PKD1L3: variants seen among roughly 807,000 people sequenced by gnomAD.
The protein encoded by PKD1L3 is polycystin-1-like protein 3.
PKD1L3 carries 239 observed loss-of-function variants against 184.1 expected under a neutral mutation model. That is an observed-to-expected ratio of 1.30 (90% CI 1.17 to 1.45). PKD1L3 has a LOEUF of 1.45. PKD1L3 is among the 40% of genes most tolerant of loss of function. PKD1L3 has a pLI of 0.00. For missense variants in PKD1L3, 2,660 were observed against 2,067.2 expected (o/e 1.29, Z -5.56); for synonymous variants, 996 against 778.8 (o/e 1.28, Z -4.64).
Position 71,967,176 on chromosome 16 carries a change from A to G in PKD1L3, c.2426T>C (p.Leu809Pro). The G allele has an allele frequency of 6.4e-7, 1 of 1,551,720 alleles. No individual in the cohort carries two copies. Among genetic ancestry groups the G allele is most frequent in the Non-Finnish European group, 8.7e-7 (1 of 1,146,964 alleles). Residue 809 changes from leucine (L) to proline (P), a missense_variant, in exon 15 of 30, where the codon CTT becomes CCT. Leu to Pro is a moderately conservative substitution (Grantham distance 98). Coordinates refer to ENST00000620267, the MANE Select transcript of PKD1L3 (RefSeq NM_181536.2). The stretch of plus-strand genomic sequence containing the variant: ...GCCAGAATTGTCATGCCAGAGCCGA[A>G]GGCTGTGCAGGTTCCCTAGAGAGGT... The part of the protein sequence containing the change: ...TWTSLGNLHS[L>P]RLWHDNSGVS...
chr16:71,996,055 A>T (rs529581064), intron 2 of PKD1L3, among the ~76,000 whole-genome samples: 780 of 151,966 alleles, frequency 5.1e-3, no homozygotes, highest in Non-Finnish European at 9.3e-3. Flanking sequence ...TCTTTTTTTT[A>T]AAAAATGTAA....
chr16:71,929,979 C>T (rs904184298), intron 29 of PKD1L3, 73 bp downstream of exon 29: 1 of 1,425,756 alleles, frequency 7.0e-7, no homozygotes, highest in Non-Finnish European at 9.4e-7. Context: ...GTCAGCCCGT[C>T]ATCTTAGGGG....
chr16:71,950,629 T>C (rs1449403855), intron 19 of PKD1L3, among the ~76,000 whole-genome samples: 1 of 152,130 alleles, frequency 6.6e-6, no homozygotes, highest in Non-Finnish European at 1.5e-5. Flanking sequence ...ATAAATTCCA[T>C]AATCTCATCA....
rs1292077839 is a variant in PKD1L3 at position 71,942,934 on chromosome 16, G to C, written c.3950C>G (p.Thr1317Arg). 3 of 1,551,556 alleles carry C rather than the reference G, an allele frequency of 1.9e-6. No individual in the cohort carries two copies. In the South Asian group the frequency reaches 3.6e-5, roughly 18 times the overall value. ...GATTTCCGAGAACTGGTGCGAAAAT[G>C]TCTTCCAGATAGCTTGGTGGAGGTA... ...RFYLHQAIWK[T>R]FSHQFSEIKL... is the part of the protein sequence containing the mutation. The change falls in exon 24 of 30, where the codon ACA (threonine) becomes AGA (arginine). Residue 1317 changes from threonine to arginine, a missense_variant. By Grantham distance (71) the Thr-to-Arg change is moderately conservative. Transcript: ENST00000620267.
chr16:71,929,951 C>G, intron 29 of PKD1L3, 101 bp downstream of exon 29: 1 of 1,323,274 alleles, frequency 7.6e-7, no homozygotes, highest in South Asian at 1.5e-5. Flanking sequence ...GAATATGATA[C>G]TGTGCATTAT....
intron 6 of PKD1L3, among the ~76,000 whole-genome samples, chr16:71,983,179 C>T (rs1411064270): frequency 2.0e-5 from 3 of 152,072 alleles, no homozygotes; most frequent in Non-Finnish European, 4.4e-5. Flanking sequence ...CAGAGTGTGG[C>T]TCTGTCACCC....
chr16:71,931,463 CTTTT>C (rs11405919), intron 28 of PKD1L3, among the ~76,000 whole-genome samples: 5 of 115,920 alleles, frequency 4.3e-5, no homozygotes, highest in Middle Eastern at 5.4e-3. Context: ...TTCTCCCCCA[CTTTT>C]TTTTTTTTTT....
At chr16:71,964,301 G>A (rs976177806) in intron 15 of PKD1L3, among the ~76,000 whole-genome samples, 11 of 110,776 alleles carry the variant, frequency 9.9e-5, no homozygotes, top group African/African-American at 3.1e-4. Context: ...AATTTCTCTC[G>A]TCAAAATCTT....
chr16:71,948,514 C>A (rs892136834), intron 21 of PKD1L3, among the ~76,000 whole-genome samples: 1 of 152,248 alleles, frequency 6.6e-6, no homozygotes, highest in East Asian at 1.9e-4. Flanking sequence ...AGCCACTGCG[C>A]CCAGCCACTA....
At chr16:71,990,442 GA>G in intron 3 of PKD1L3, 113 bp from the exon 4 acceptor site, 1 of 867,264 alleles carries the variant, frequency 1.2e-6, no homozygotes, top group East Asian at 3.2e-5. Flanking sequence ...GTTTTACATA[GA>G]AAACCAAGGC....
At chr16:71,960,920 T>C (rs1181347434) in intron 16 of PKD1L3, among the ~76,000 whole-genome samples, 1 of 152,110 alleles carries the variant, frequency 6.6e-6, no homozygotes, top group African/African-American at 2.4e-5. Context: ...AACCTAGAAC[T>C]GTATCAGGTC....
In PKD1L3 at chr16:71,952,879, T is replaced by C. The variant is rs913186611; in HGVS notation, c.3009+15A>G. 2.0e-6 allele frequency: 3 copies of C among 1,525,950 alleles called. No homozygotes were observed. In the African/African-American group the frequency reaches 4.2e-5, roughly 21 times the overall value. The allele number at this position is 1,525,950 out of a possible 1,614,324, so 94.5% of individuals were successfully genotyped here. A position where few individuals can be genotyped will look rare whatever the true frequency, so the allele number is the denominator to read the frequency against. On this transcript the variant is annotated intron_variant, in intron 18 of 29. Coordinates refer to ENST00000620267, the MANE Select transcript of PKD1L3 (RefSeq NM_181536.2). The stretch of plus-strand genomic sequence containing the variant: ...CAATAAAATAAGATAAAATAAAATT[T>C]GATACCAATCTTACCTCAACTACCA...
At chr16:71,962,821 C>T (rs1487210692) in intron 16 of PKD1L3, among the ~76,000 whole-genome samples, 1 of 152,114 alleles carries the variant, frequency 6.6e-6, no homozygotes, top group Non-Finnish European at 1.5e-5. Context: ...GGCTACAGCC[C>T]TCTAATACTT....
At chr16:71,947,889 C>T (rs2038680070) in intron 21 of PKD1L3, among the ~76,000 whole-genome samples, 1 of 148,962 alleles carries the variant, frequency 6.7e-6, no homozygotes, top group Non-Finnish European at 1.5e-5. Flanking sequence ...CTCTCAGTAT[C>T]TTTGGAAAAC....
chr16:71,932,795 T>C (rs2038029002), intron 28 of PKD1L3, among the ~76,000 whole-genome samples: 1 of 148,520 alleles, frequency 6.7e-6, no homozygotes, highest in Admixed American at 6.7e-5. Flanking sequence ...TTTTTTTTTT[T>C]TTTTTTTTTT....
At chr16:71,987,713 C>G (rs2040427939) in intron 4 of PKD1L3, among the ~76,000 whole-genome samples, 1 of 152,140 alleles carries the variant, frequency 6.6e-6, no homozygotes, top group Admixed American at 6.6e-5. Flanking sequence ...CTACGTTGCC[C>G]AGGCTGGTCT....
At chr16:71,992,447 G>C (rs751410705) in intron 3 of PKD1L3, among the ~76,000 whole-genome samples, 1 of 152,114 alleles carries the variant, frequency 6.6e-6, no homozygotes, top group Non-Finnish European at 1.5e-5. Context: ...CTCACATTGC[G>C]GGACACAGCT....
chr16:71,982,562 G>A (rs963474597), intron 6 of PKD1L3, among the ~76,000 whole-genome samples: 2 of 152,022 alleles, frequency 1.3e-5, no homozygotes, highest in African/African-American at 4.8e-5. Context: ...TGGGATTACA[G>A]GTGTGAGCCA....
At chr16:71,933,885 A>G (rs1408592468) in intron 27 of PKD1L3, 30 bp downstream of exon 27, 1 of 1,544,784 alleles carries the variant, frequency 6.5e-7, no homozygotes, top group Non-Finnish European at 8.8e-7. Flanking sequence ...CAGCACACGG[A>G]GAAGGAGAGA....
Sources: allele counts gnomAD v4.1 joint callset (sites outside exome capture counted in the v4.1 genomes callset), GRCh38; gene constraint gnomAD v4.1.1; transcripts MANE v1.5; gene names NCBI Gene and HGNC (gene_info 2026-07-23, HGNC 2026-07-21).